The following CYP2C19 variants were observed in gnomAD, a reference collection of about 807,000 sequenced individuals.
CYP2C19 encodes cytochrome P450 family 2 subfamily C member 19, also known as cytochrome P450 2C19.
CYP2C19 carries 59 observed loss-of-function variants against 40.9 expected under a neutral mutation model. The ratio of observed to expected loss-of-function variants is 1.44; its 90% confidence interval spans 1.17 to 1.79. CYP2C19 has a LOEUF of 1.79. CYP2C19 is among the 40% of genes most tolerant of loss of function. CYP2C19 has a pLI of 0.00. For synonymous variants in CYP2C19, 253 were observed against 208.7 expected, an observed-to-expected ratio of 1.21 and a Z score of -1.83; for missense variants, 754 against 596.9, an observed-to-expected ratio of 1.26 and a Z score of -2.74.
chr10:94,840,742 T>G (rs112010733), intron 6 of CYP2C19, among the ~76,000 whole-genome samples: 1,855 of 152,308 alleles, frequency 0.012, 54 homozygotes, highest in African/African-American at 0.043. Context: ...CTGCCTCTAG[T>G]CAGCCCTCAG....
At chr10:94,827,953 T>G (rs1158055002) in intron 6 of CYP2C19, among the ~76,000 whole-genome samples, 1 of 151,924 alleles carries the variant, frequency 6.6e-6, no homozygotes, top group Admixed American at 6.6e-5. Context: ...GGTTGTTCAG[T>G]TTCCATGTAG....
At chr10:94,850,794 C>T (rs536908120) in intron 8 of CYP2C19, among the ~76,000 whole-genome samples, 32 of 152,200 alleles carry the variant, frequency 2.1e-4, no homozygotes, top group African/African-American at 7.0e-4. Flanking sequence ...AAAACCTTTG[C>T]CAAATAACCA....
At chr10:94,818,855 C>A (rs1163275133) in intron 5 of CYP2C19, among the ~76,000 whole-genome samples, 3 of 152,010 alleles carry the variant, frequency 2.0e-5, no homozygotes, top group Non-Finnish European at 2.9e-5. Flanking sequence ...ATTTGACTTC[C>A]TCTTTTCCTA....
chr10:94,847,065 A>G lies in CYP2C19; in HGVS notation c.1150-2852A>G, dbSNP rs202200841. Among the ~76,000 whole-genome samples, 9 of 149,696 alleles carry G rather than the reference A, an allele frequency of 6.0e-5. No homozygotes were observed. The East Asian group carries it at 1.8e-3, about 30-fold the overall frequency. ...TCAACAGAGACTTCAACTTTATTTT[A>G]TTTATTTATTTATTTATTTTTATTA... On this transcript the variant is annotated intron_variant, in intron 7 of 8. Coordinates refer to ENST00000371321, the MANE Select transcript of CYP2C19 (RefSeq NM_000769.4).
chr10:94,776,143 A>T (rs1444614843), intron 3 of CYP2C19: 2 of 152,352 alleles, frequency 1.3e-5, no homozygotes, highest in African/African-American at 2.4e-5. Flanking sequence ...AGCATTATTT[A>T]AAAAATAGTG....
chr10:94,766,168 G>A (rs1848239904), intron 1 of CYP2C19, among the ~76,000 whole-genome samples: 1 of 152,032 alleles, frequency 6.6e-6, no homozygotes, highest in South Asian at 2.1e-4. Flanking sequence ...GAATGGGGGT[G>A]GCAACATAAG....
intron 5 of CYP2C19, among the ~76,000 whole-genome samples, chr10:94,795,490 A>G (rs1206267654): frequency 6.6e-6 from 1 of 152,110 alleles, no homozygotes; most frequent in Non-Finnish European, 1.5e-5. Flanking sequence ...TTATAGCAGC[A>G]TGGTTTATAA....
At chr10:94,782,111 A>G (rs1848487417) in intron 5 of CYP2C19, 114 bp downstream of exon 5, 10 of 807,036 alleles carry the variant, frequency 1.2e-5, no homozygotes, top group Non-Finnish European at 1.9e-5. Context: ...CTTGAGAAGC[A>G]TATTTAAGTT....
intron 5 of CYP2C19, among the ~76,000 whole-genome samples, chr10:94,810,199 G>A (rs1848893668): frequency 6.6e-6 from 1 of 152,128 alleles, no homozygotes. Flanking sequence ...TGATTTGCAT[G>A]TGTTGAACGA....
At chr10:94,824,158 G>A (rs907297719) in intron 6 of CYP2C19, among the ~76,000 whole-genome samples, 4 of 152,176 alleles carry the variant, frequency 2.6e-5, no homozygotes, top group Non-Finnish European at 4.4e-5. Flanking sequence ...TGTCTTACCA[G>A]AGAACCATAT....
At chr10:94,838,532 C>A (rs563525314) in intron 6 of CYP2C19, among the ~76,000 whole-genome samples, 2 of 152,166 alleles carry the variant, frequency 1.3e-5, no homozygotes, top group African/African-American at 4.8e-5. Context: ...GGTACATGCA[C>A]TCTGGCTGGG....
intron 8 of CYP2C19, among the ~76,000 whole-genome samples, chr10:94,850,664 C>A (rs989813311): frequency 6.6e-6 from 1 of 152,072 alleles, no homozygotes; most frequent in African/African-American, 2.4e-5. Context: ...TAACTAATAG[C>A]AGTAAAGACA....
At chr10:94,801,253 C>T (rs1434970122) in intron 5 of CYP2C19, among the ~76,000 whole-genome samples, 1 of 152,218 alleles carries the variant, frequency 6.6e-6, no homozygotes, top group African/African-American at 2.4e-5. Flanking sequence ...TCCCTCTACA[C>T]AATGCTTTAA....
intron 6 of CYP2C19, among the ~76,000 whole-genome samples, chr10:94,821,819 A>G (rs1186478378): frequency 5.3e-5 from 8 of 152,094 alleles, no homozygotes; most frequent in Non-Finnish European, 1.2e-4. Context: ...ATTAAAGGGT[A>G]AAAATACAGA....
At position 94,816,527 on chromosome 10, in the gene CYP2C19, CTTAT is replaced by C. The variant is rs554509650; in HGVS notation, c.820-3962_820-3959del. Among the ~76,000 whole-genome samples, 12 of 151,612 alleles carry C rather than the reference CTTAT, an allele frequency of 7.9e-5. No homozygotes were observed. In the South Asian group the frequency reaches 2.5e-3, roughly 32 times the overall value. On this transcript the variant is annotated intron_variant, in intron 5 of 8. Transcript: ENST00000371321. Reference sequence around the variant, plus strand: ...CTTTTGTTTAACAGTCTTTGTACTACTTATTTATTTTTTTAATTTTTACAAAAAC... The same window carrying C: ...CTTTTGTTTAACAGTCTTTGTACTACTTATTTTTTTAATTTTTACAAAAAC...
intron 5 of CYP2C19, among the ~76,000 whole-genome samples, chr10:94,810,658 T>C (rs1183453609): frequency 6.6e-6 from 1 of 152,222 alleles, no homozygotes; most frequent in Non-Finnish European, 1.5e-5. Flanking sequence ...TTCTAGATTT[T>C]CTAGTTTATT....
At position 94,815,991 on chromosome 10, in the gene CYP2C19, A is replaced by G. The variant is rs988893472; in HGVS notation, c.820-4505A>G. On this transcript the variant is annotated intron_variant, in intron 5 of 8. Coordinates refer to ENST00000371321, the MANE Select transcript of CYP2C19 (RefSeq NM_000769.4). The stretch of plus-strand genomic sequence containing the variant: ...ATTTAAGTTGTGGTTGTCTACAGGT[A>G]ATAGTAACTTTAACAGAAAATGTCT... Among the ~76,000 whole-genome samples the G allele has an allele frequency of 7.2e-5, 11 of 152,274 alleles. No homozygotes were observed. The South Asian group carries it at 1.2e-3, about 17-fold the overall frequency.
Position 94,820,583 on chromosome 10 carries a change from A to C in CYP2C19, c.907A>C (p.Ser303Arg). Residue 303 changes from serine to arginine, a missense_variant, in exon 6 of 9, where the codon AGC becomes CGC. By Grantham distance (110) the Ser-to-Arg change is moderately radical. Coordinates refer to ENST00000371321, the MANE Select transcript of CYP2C19 (RefSeq NM_000769.4). ...DLLGAGTETT[S>R]TTLRYALLLL... Reference sequence around the variant, plus strand: ...ACTTGGAGCTGGGACAGAGACAACAAGCACAACCCTGAGATATGCTCTCCT... The same window carrying C: ...ACTTGGAGCTGGGACAGAGACAACACGCACAACCCTGAGATATGCTCTCCT... 1 of 1,614,244 alleles carries C rather than the reference A, an allele frequency of 6.2e-7. No homozygotes were observed. The highest frequency in any genetic ancestry group is 8.5e-7 in the Non-Finnish European group (1 of 1,180,048).
At chr10:94,767,182 G>C (rs898116342) in intron 1 of CYP2C19, among the ~76,000 whole-genome samples, 3 of 152,108 alleles carry the variant, frequency 2.0e-5, no homozygotes, top group Non-Finnish European at 4.4e-5. Context: ...GTAAAGAGTA[G>C]GCCATGGGAA....
Sources: allele counts gnomAD v4.1 joint callset (sites outside exome capture counted in the v4.1 genomes callset), GRCh38; gene constraint gnomAD v4.1.1; transcripts MANE v1.5; gene names NCBI Gene and HGNC (gene_info 2026-07-23, HGNC 2026-07-21).